Variants in NXPE1 observed in about 807,000 individuals in gnomAD.
NXPE1 encodes NXPE family member 1.
In NXPE1, 31 loss-of-function variants were observed where a neutral mutation model predicts 33.3. The ratio of observed to expected loss-of-function variants is 0.93; its 90% CI spans 0.70 to 1.26. The LOEUF is 1.26. NXPE1 is among the 50% of genes most tolerant of loss of function. The pLI, the probability that NXPE1 is intolerant of heterozygous loss-of-function variation, is 0.00. For synonymous variants in NXPE1, 229 were observed against 231.4 expected, an observed-to-expected ratio of 0.99 and a Z score of 0.09; for missense variants, 661 against 655.6, an observed-to-expected ratio of 1.01 and a Z score of -0.09.
downstream of NXPE1, chr11:114,521,609 A>C (rs1040552721): frequency 1.1e-5 from 2 of 182,822 alleles, no homozygotes; most frequent in Admixed American, 1.1e-4. Flanking sequence ...CTAATGGGTT[A>C]TCATTGCTCC....
intron 1 of NXPE1, among the ~76,000 whole-genome samples, chr11:114,556,577 A>G (rs953256563): frequency 4.6e-5 from 7 of 152,024 alleles, no homozygotes; most frequent in African/African-American, 1.4e-4. Flanking sequence ...TATTGTCAGG[A>G]TAAGAGCCCT....
chr11:114,524,121 G>T (rs186510730), intron 7 of NXPE1, among the ~76,000 whole-genome samples: 57 of 152,232 alleles, frequency 3.7e-4, no homozygotes, highest in African/African-American at 1.3e-3. Flanking sequence ...TATATCTAAA[G>T]TTCGGCTAGT....
intron 5 of NXPE1, among the ~76,000 whole-genome samples, chr11:114,538,642 T>G (rs544145108): frequency 6.6e-6 from 1 of 151,882 alleles, no homozygotes; most frequent in African/African-American, 2.4e-5. Flanking sequence ...CACTTCTCAA[T>G]AGAAGACATT....
downstream of NXPE1, among the ~76,000 whole-genome samples, chr11:114,521,023 G>T (rs1947199047): frequency 6.6e-6 from 1 of 152,192 alleles, no homozygotes; most frequent in African/African-American, 2.4e-5. Flanking sequence ...ATTCACTGAT[G>T]ATCTCTGCCT....
At chr11:114,522,984 A>G in exon 8 of NXPE1, 2 of 1,613,778 alleles carry the variant, frequency 1.2e-6, no homozygotes, top group Non-Finnish European at 1.7e-6. Flanking sequence ...ATTGTGTCTA[A>G]CTGAACCTGG....
At chr11:114,535,990 C>A (rs1052063219) in intron 5 of NXPE1, among the ~76,000 whole-genome samples, 1 of 152,176 alleles carries the variant, frequency 6.6e-6, no homozygotes, top group African/African-American at 2.4e-5. Flanking sequence ...TTCTTTTCAG[C>A]ACCACACCAA....
At chr11:114,556,923 C>T (rs1329854550) in intron 1 of NXPE1, among the ~76,000 whole-genome samples, 6 of 148,158 alleles carry the variant, frequency 4.0e-5, no homozygotes, top group Non-Finnish European at 8.9e-5. Flanking sequence ...GACAGAGTCT[C>T]ACTCTGTTGC....
intron 5 of NXPE1, among the ~76,000 whole-genome samples, chr11:114,537,494 C>G (rs1300046754): frequency 2.0e-5 from 3 of 152,078 alleles, no homozygotes; most frequent in African/African-American, 7.2e-5. Flanking sequence ...TCAGATTGTC[C>G]CTGTTTGCAG....
chr11:114,532,334 T>C (rs758061555), intron 5 of NXPE1, among the ~76,000 whole-genome samples: 11 of 152,182 alleles, frequency 7.2e-5, no homozygotes, highest in Non-Finnish European at 1.6e-4. Context: ...ATAAATGAAA[T>C]TCCCCCAAAA....
At chr11:114,550,755 A>G (rs908267007) in intron 5 of NXPE1, among the ~76,000 whole-genome samples, 6 of 152,220 alleles carry the variant, frequency 3.9e-5, no homozygotes, top group African/African-American at 1.4e-4. Context: ...AAAGGAAATC[A>G]TAGACACAAT....
intron 1 of NXPE1, among the ~76,000 whole-genome samples, chr11:114,559,368 T>A (rs1388866827): frequency 3.3e-5 from 5 of 152,324 alleles, no homozygotes; most frequent in African/African-American, 1.2e-4. Flanking sequence ...ATTCATACAT[T>A]TTCCACCCAA....
intron 5 of NXPE1, among the ~76,000 whole-genome samples, chr11:114,546,782 G>C (rs1948299234): frequency 6.6e-6 from 1 of 152,132 alleles, no homozygotes; most frequent in Non-Finnish European, 1.5e-5. Context: ...TGAGCCTAAA[G>C]CATCTTGTAG....
chr11:114,527,927 A>G (rs745337730), intron 6 of NXPE1, 26 bp from the exon 7 acceptor site: 3 of 1,563,930 alleles, frequency 1.9e-6, no homozygotes, highest in Non-Finnish European at 1.8e-6. Context: ...AGAACAATAA[A>G]TTAGCCTGCT....
chr11:114,522,737 A>G, intron 8 of NXPE1, 142 bp downstream of exon 8: 1 of 682,680 alleles, frequency 1.5e-6, no homozygotes, highest in South Asian at 2.0e-5. Flanking sequence ...AAGGAATAAA[A>G]TACATTTTAA....
chr11:114,537,029 C>G (rs1591279525), intron 5 of NXPE1, among the ~76,000 whole-genome samples: 1 of 152,112 alleles, frequency 6.6e-6, no homozygotes, highest in African/African-American at 2.4e-5. Flanking sequence ...CAAAAATCCG[C>G]AATAAAATAC....
intron 1 of NXPE1, among the ~76,000 whole-genome samples, chr11:114,556,071 C>T (rs1460552163): frequency 6.6e-6 from 1 of 152,090 alleles, no homozygotes; most frequent in Non-Finnish European, 1.5e-5. Flanking sequence ...TAACTTTTGA[C>T]AAATCTACAA....
At chr11:114,549,642 A>C (rs546412029) in intron 5 of NXPE1, among the ~76,000 whole-genome samples, 1 of 152,098 alleles carries the variant, frequency 6.6e-6, no homozygotes, top group African/African-American at 2.4e-5. Context: ...TAAGGGAAAC[A>C]CTAAAGGCTT....
At chr11:114,538,544 A>G (rs1947939760) in intron 5 of NXPE1, among the ~76,000 whole-genome samples, 2 of 152,244 alleles carry the variant, frequency 1.3e-5, no homozygotes, top group African/African-American at 4.8e-5. Context: ...ATAAAGGGCT[A>G]ATATCCAGAA....
intron 5 of NXPE1, among the ~76,000 whole-genome samples, chr11:114,539,245 G>A (rs1227450911): frequency 6.7e-6 from 1 of 150,110 alleles, no homozygotes; most frequent in Non-Finnish European, 1.5e-5. Context: ...AGAACACATG[G>A]ACACAGGAAG....
Sources: gnomAD v4.1 joint callset for allele counts (sites outside exome capture counted in the v4.1 genomes callset) on GRCh38, gnomAD v4.1.1 for gene constraint, MANE v1.5 for transcripts, NCBI Gene and HGNC (gene_info 2026-07-23, HGNC 2026-07-21) for gene names.